Variants in CDKAL1 observed in about 807,000 individuals in gnomAD.
CDKAL1 encodes the protein CDKAL1 threonylcarbamoyladenosine tRNA methylthiotransferase.
CDKAL1 carries 32 observed loss-of-function variants against 68.2 expected under a neutral mutation model. The observed-to-expected ratio is 0.47, with a 90% CI of 0.35 to 0.63. CDKAL1 has a LOEUF of 0.63. CDKAL1 is among the 30% of genes least tolerant of loss of function. The pLI is 0.00. For synonymous variants in CDKAL1, 234 were observed against 244.3 expected, an observed-to-expected ratio of 0.96 and a Z score of 0.39; for missense variants, 606 against 696.7, an observed-to-expected ratio of 0.87 and a Z score of 1.47.
At chr6:20,901,215 G>T (rs962744656) in intron 9 of CDKAL1, among the ~76,000 whole-genome samples, 1 of 152,118 alleles carries the variant, frequency 6.6e-6, no homozygotes, top group Non-Finnish European at 1.5e-5. Flanking sequence ...GTATTTCTGC[G>T]ACTGTTGCCT....
intron 5 of CDKAL1, among the ~76,000 whole-genome samples, chr6:20,652,366 T>G (rs1438320158): frequency 6.6e-6 from 1 of 152,228 alleles, no homozygotes; most frequent in Non-Finnish European, 1.5e-5. Flanking sequence ...TACCTGGCTT[T>G]CAACGGAATT....
intron 13 of CDKAL1, among the ~76,000 whole-genome samples, chr6:21,195,160 A>G (rs923842470): frequency 6.6e-6 from 1 of 151,840 alleles, no homozygotes; most frequent in Non-Finnish European, 1.5e-5. Context: ...TTTTTTCCGT[A>G]TGCTCTGGAG....
intron 13 of CDKAL1, among the ~76,000 whole-genome samples, chr6:21,189,111 TAG>T: frequency 6.6e-6 from 1 of 152,182 alleles, no homozygotes; most frequent in African/African-American, 2.4e-5. Flanking sequence ...CTTACTGGGG[TAG>T]ACACGGCTAG....
chr6:20,556,643 T>A (rs1764054216), intron 4 of CDKAL1, among the ~76,000 whole-genome samples: 1 of 152,202 alleles, frequency 6.6e-6, no homozygotes, highest in Admixed American at 6.5e-5. Flanking sequence ...TGTCTTACAG[T>A]TTGTAACATA....
At chr6:20,698,622 A>C (rs1771208270) in intron 5 of CDKAL1, among the ~76,000 whole-genome samples, 1 of 152,106 alleles carries the variant, frequency 6.6e-6, no homozygotes, top group Non-Finnish European at 1.5e-5. Context: ...TCATGTTGAG[A>C]GTTATGGACT....
At chr6:20,642,554 A>G (rs6925328) in intron 4 of CDKAL1, among the ~76,000 whole-genome samples, 105,635 of 150,656 alleles carry the variant, frequency 0.7, 37,768 homozygotes, top group African/African-American at 0.84. Context: ...AGAAAAATGC[A>G]TGTTACACCC....
chr6:20,673,159 G>A (rs966151565), intron 5 of CDKAL1, among the ~76,000 whole-genome samples: 11 of 152,156 alleles, frequency 7.2e-5, no homozygotes, highest in Admixed American at 6.6e-4. Context: ...ATAGATGATG[G>A]CTTCACATTT....
At chr6:20,557,883 C>T (rs1404206918) in intron 4 of CDKAL1, among the ~76,000 whole-genome samples, 4 of 152,158 alleles carry the variant, frequency 2.6e-5, no homozygotes, top group Admixed American at 2.6e-4. Context: ...GCGGTGATCA[C>T]ACCACTGCAC....
chr6:20,963,750 C>A (rs991052796), intron 10 of CDKAL1, among the ~76,000 whole-genome samples: 1 of 152,134 alleles, frequency 6.6e-6, no homozygotes, highest in Non-Finnish European at 1.5e-5. Context: ...TAAAAATTCT[C>A]TTTATATGGC....
intron 11 of CDKAL1, among the ~76,000 whole-genome samples, chr6:21,018,733 T>A (rs990788100): frequency 1.3e-5 from 2 of 152,182 alleles, no homozygotes; most frequent in Admixed American, 6.6e-5. Flanking sequence ...ATGTTATTAT[T>A]TGTTTTCTGT....
At chr6:20,965,461 T>C (rs756172025) in intron 10 of CDKAL1, among the ~76,000 whole-genome samples, 3 of 152,048 alleles carry the variant, frequency 2.0e-5, no homozygotes, top group Non-Finnish European at 4.4e-5. Context: ...ATAATCATAG[T>C]TGAATATCTA....
chr6:20,923,381 G>T (rs1763047049), intron 9 of CDKAL1, among the ~76,000 whole-genome samples: 1 of 152,114 alleles, frequency 6.6e-6, no homozygotes, highest in African/African-American at 2.4e-5. Context: ...TGCTAACTTT[G>T]TGTCTCTGTG....
intron 9 of CDKAL1, among the ~76,000 whole-genome samples, chr6:20,943,567 C>T (rs180755123): frequency 3.8e-4 from 58 of 151,794 alleles, no homozygotes; most frequent in African/African-American, 1.2e-3. Context: ...TATTTCTCTT[C>T]GTTTCATTTT....
chr6:20,590,306 A>G (rs1765538784), intron 4 of CDKAL1, among the ~76,000 whole-genome samples: 1 of 152,200 alleles, frequency 6.6e-6, no homozygotes, highest in African/African-American at 2.4e-5. Context: ...CAAATTACCT[A>G]CTATGCACAG....
chr6:20,575,343 A>G (rs1283248907), intron 4 of CDKAL1, among the ~76,000 whole-genome samples: 1 of 151,628 alleles, frequency 6.6e-6, no homozygotes, highest in Non-Finnish European at 1.5e-5. Context: ...TTTTGTTTGC[A>G]CAAAAAACCT....
At chr6:20,905,562 A>G (rs1290348193) in intron 9 of CDKAL1, among the ~76,000 whole-genome samples, 1 of 152,194 alleles carries the variant, frequency 6.6e-6, no homozygotes, top group Non-Finnish European at 1.5e-5. Flanking sequence ...ACATTTGATG[A>G]AAGACATGAA....
At chr6:20,823,077 C>T (rs1777352830) in intron 8 of CDKAL1, among the ~76,000 whole-genome samples, 1 of 152,288 alleles carries the variant, frequency 6.6e-6, no homozygotes, top group Non-Finnish European at 1.5e-5. Context: ...TTCTCTCTCT[C>T]TCTGTCTCTC....
chr6:20,690,316 G>A (rs1770814718), intron 5 of CDKAL1, among the ~76,000 whole-genome samples: 1 of 152,100 alleles, frequency 6.6e-6, no homozygotes, highest in South Asian at 2.1e-4. Context: ...TATTATAACT[G>A]TCAAATAAAT....
intron 11 of CDKAL1, among the ~76,000 whole-genome samples, chr6:21,021,726 AGTTTTC>A: frequency 6.6e-6 from 1 of 152,194 alleles, no homozygotes; most frequent in Non-Finnish European, 1.5e-5. Context: ...TCAAAACCAG[AGTTTTC>A]GTCACCATTT....
Sources: gnomAD v4.1 joint callset for allele counts (sites outside exome capture counted in the v4.1 genomes callset) on GRCh38, gnomAD v4.1.1 for gene constraint, MANE v1.5 for transcripts, NCBI Gene and HGNC (gene_info 2026-07-23, HGNC 2026-07-21) for gene names.